The following PCDHA3 variants were observed in gnomAD, a reference collection of about 807,000 sequenced individuals.
PCDHA3 encodes the protein protocadherin alpha 3.
Under a neutral mutation model 62.2 loss-of-function variants are expected in PCDHA3, and 41 were observed. The ratio of observed to expected loss-of-function variants is 0.66; its 90% CI spans 0.51 to 0.86. The LOEUF is 0.86. Among genes scored for constraint, PCDHA3 ranks in the 40% least tolerant of loss-of-function variants. The probability of loss-of-function intolerance (pLI) is 0.00; values close to 1 mark genes in which losing one functional copy is unlikely to be tolerated. For synonymous variants in PCDHA3, 640 were observed against 555.4 expected, an observed-to-expected ratio of 1.15 and a Z score of -2.14; for missense variants, 1,304 against 1,241.2, an observed-to-expected ratio of 1.05 and a Z score of -0.76.
At chr5:140,895,072 A>G (rs974661383) in intron 1 of PCDHA3, among the ~76,000 whole-genome samples, 1 of 152,090 alleles carries the variant, frequency 6.6e-6, no homozygotes, top group Admixed American at 6.5e-5. Flanking sequence ...CTCAATTCCT[A>G]TCAGTTCCTC....
intron 1 of PCDHA3, among the ~76,000 whole-genome samples, chr5:140,978,369 A>G (rs1015473344): frequency 6.6e-6 from 1 of 152,196 alleles, no homozygotes; most frequent in Non-Finnish European, 1.5e-5. Flanking sequence ...CAAACTCTGC[A>G]ATAGTTTGTT....
At chr5:140,859,867 T>C (rs1265494119) in intron 1 of PCDHA3, 1 of 152,016 alleles carries the variant, frequency 6.6e-6, no homozygotes, top group Non-Finnish European at 1.5e-5. Flanking sequence ...AATATATACT[T>C]CCCCCTCTGA....
chr5:140,838,890 A>G (rs1775934707), intron 1 of PCDHA3, among the ~76,000 whole-genome samples: 1 of 152,012 alleles, frequency 6.6e-6, no homozygotes, highest in Non-Finnish European at 1.5e-5. Context: ...ACTCCAGCCT[A>G]GGTGACAGAG....
chr5:140,846,294 A>G (rs2150386529), intron 1 of PCDHA3, among the ~76,000 whole-genome samples: 1 of 149,296 alleles, frequency 6.7e-6, no homozygotes, highest in Non-Finnish European at 1.5e-5. Flanking sequence ...AGTTCTATGA[A>G]TTAAGTAAAC....
rs1563650230 is a variant in PCDHA3, at chr5:141,000,393, C to CTA, written c.2543-9233_2543-9232insAT. Among the ~76,000 whole-genome samples, 150 of 52,842 alleles carry CTA rather than the reference C, an allele frequency of 2.8e-3. 1 individual carries two copies. The highest frequency in any genetic ancestry group is 4.0e-3 in the Non-Finnish European group (125 of 31,360). 34.7% of individuals were successfully genotyped at this position (52,842 alleles called of 152,430 possible). A position where few individuals can be genotyped will look rare whatever the true frequency, so the allele number is the denominator to read the frequency against. On this transcript the variant is annotated intron_variant, in intron 3 of 3. Coordinates refer to ENST00000522353, the MANE Select transcript of PCDHA3 (RefSeq NM_018906.3). ...TCTCTCTCTCTCTCTCTCTCTCTCT[C>CTA]TCTATATATATATATATATATATAT... is the stretch of plus-strand genomic sequence containing the variant.
At position 140,801,137 on chromosome 5, in the gene PCDHA3, C is replaced by A. The variant is rs1357728737; in HGVS notation, c.-61C>A. The A allele has an allele frequency of 1.3e-6, 2 of 1,524,932 alleles. No individual in the cohort carries two copies. The highest frequency in any genetic ancestry group is 2.6e-5 in the South Asian group (2 of 75,610). The allele number at this position is 1,524,932 out of a possible 1,614,324, so 94.5% of individuals were successfully genotyped here. On this transcript the variant is annotated 5_prime_UTR_variant, in exon 1 of 4. An upstream open reading frame in the 5' UTR gains an earlier in-frame stop. Transcript: ENST00000522353. ...GTTTAAGAAATGAAGATAAGGAACT[C>A]GAATTATTTTTAAACTTTGGATCAA...
chr5:140,862,713 C>T, intron 1 of PCDHA3: 1 of 561,970 alleles, frequency 1.8e-6, no homozygotes. Flanking sequence ...AGCGGGTGGG[C>T]GAGTGCGCGC....
At chr5:140,816,136 A>C (rs1554126988) in intron 1 of PCDHA3, 1 of 152,158 alleles carries the variant, frequency 6.6e-6, no homozygotes, top group Non-Finnish European at 1.5e-5. Flanking sequence ...TGTCATAATG[A>C]GTAGAGCAGC....
intron 1 of PCDHA3, among the ~76,000 whole-genome samples, chr5:140,904,056 G>A (rs1474308111): frequency 6.6e-6 from 1 of 151,944 alleles, no homozygotes; most frequent in Non-Finnish European, 1.5e-5. Context: ...TATTTCAATG[G>A]GTTTTTGGGG....
intron 1 of PCDHA3, chr5:140,884,290 A>G: frequency 6.2e-7 from 1 of 1,613,642 alleles, no homozygotes; most frequent in Non-Finnish European, 8.5e-7. Flanking sequence ...AGAGCGGCCA[A>G]GCGCCACAGG....
chr5:140,968,022 A>G (rs782399233), intron 1 of PCDHA3: 3 of 1,614,142 alleles, frequency 1.9e-6, no homozygotes, highest in South Asian at 2.2e-5. Flanking sequence ...GGAAACTCCT[A>G]TACACTGGTG....
Position 140,803,232 on chromosome 5 carries a change from T to C in PCDHA3, c.2035T>C (p.Ser679Pro). The change falls in exon 1 of 4, where the codon TCG (serine) becomes CCG (proline). Residue 679 changes from serine to proline, a missense_variant. Transcript: ENST00000522353. The part of the protein sequence containing the change: ...LVESGQAPKA[S>P]SQASAGATGP... ...GGAGAGTGGCCAGGCACCCAAGGCC[T>C]CGTCCCAGGCGTCCGCTGGCGCCAC... 6.2e-7 allele frequency: 1 copy of C among 1,613,820 alleles called. No individual in the cohort carries two copies. Among genetic ancestry groups the C allele is most frequent in the African/African-American group, 1.3e-5 (1 of 75,068 alleles).
chr5:140,946,298 G>A (rs1670826449), intron 1 of PCDHA3, among the ~76,000 whole-genome samples: 1 of 151,840 alleles, frequency 6.6e-6, no homozygotes, highest in Admixed American at 6.6e-5. Flanking sequence ...CCTCACACCT[G>A]GTAGAATGGC....
chr5:140,896,583 G>T (rs557774521), intron 1 of PCDHA3, among the ~76,000 whole-genome samples: 1 of 151,654 alleles, frequency 6.6e-6, no homozygotes, highest in South Asian at 2.1e-4. Context: ...TGACGTGTTG[G>T]CCAGGCTGGT....
chr5:140,841,354 C>T (rs1777172316), intron 1 of PCDHA3: 2 of 1,612,948 alleles, frequency 1.2e-6, no homozygotes, highest in Non-Finnish European at 1.7e-6. Context: ...AGCTGGGATC[C>T]TGGCGACTAC....
intron 1 of PCDHA3, among the ~76,000 whole-genome samples, chr5:140,832,240 G>A (rs1297938454): frequency 6.6e-6 from 1 of 152,152 alleles, no homozygotes; most frequent in African/African-American, 2.4e-5. Flanking sequence ...GACTTTTTGT[G>A]TTGTCCATGT....
chr5:140,927,876 G>A lies in PCDHA3; in HGVS notation c.2395-51073G>A, dbSNP rs782412797. ...TAGCTAGCACCGCTAAACTGCTGGT[G>A]GAGGTGACTGACGTGAACGATCATG... On this transcript the variant is annotated intron_variant, in intron 1 of 3. Transcript: ENST00000522353. The A allele has an allele frequency of 1.9e-6, 3 of 1,614,202 alleles. No individual in the cohort carries two copies. The South Asian group carries it at 3.3e-5, about 18-fold the overall frequency.
chr5:140,883,960 G>A (rs2059914384), intron 1 of PCDHA3: 1 of 1,613,090 alleles, frequency 6.2e-7, no homozygotes. Context: ...ACGCTCCGGC[G>A]CTGCTGACGC....
At chr5:140,926,728 T>G in intron 1 of PCDHA3, 4 of 1,061,710 alleles carry the variant, frequency 3.8e-6, no homozygotes, top group Non-Finnish European at 5.0e-6. Flanking sequence ...AATGCCGGCG[T>G]TCGGGAGGCG....
Sources: gnomAD v4.1 joint callset for allele counts (sites outside exome capture counted in the v4.1 genomes callset) on GRCh38, gnomAD v4.1.1 for gene constraint, MANE v1.5 for transcripts, NCBI Gene and HGNC (gene_info 2026-07-23, HGNC 2026-07-21) for gene names.